The following CPNE4 variants were observed in gnomAD, a reference collection of about 807,000 sequenced individuals.
The protein encoded by CPNE4 is copine-4.
Under a neutral mutation model 67.9 loss-of-function variants are expected in CPNE4, and 25 were observed. The ratio of observed to expected loss-of-function variants is 0.37; its 90% CI spans 0.27 to 0.51. CPNE4 has a LOEUF of 0.51. CPNE4 is among the 20% of genes least tolerant of loss of function. CPNE4 has a pLI of 0.93. For missense variants in CPNE4, 464 were observed against 690.8 expected (o/e 0.67, Z 3.68); for synonymous variants, 242 against 244.9 (o/e 0.99, Z 0.11).
At chr3:131,851,848 TGAA>T (rs946519643) in intron 2 of CPNE4, among the ~76,000 whole-genome samples, 3 of 152,034 alleles carry the variant, frequency 2.0e-5, no homozygotes, top group Non-Finnish European at 4.4e-5. Flanking sequence ...ACTTTATAGA[TGAA>T]GAAACAGAGA....
chr3:131,709,181 T>C (rs2081497821), intron 3 of CPNE4, among the ~76,000 whole-genome samples: 3 of 151,884 alleles, frequency 2.0e-5, no homozygotes, highest in Admixed American at 2.0e-4. Context: ...ATTTTTTCTA[T>C]TTCTAAATAG....
intron 1 of CPNE4, among the ~76,000 whole-genome samples, chr3:131,912,449 A>G (rs1361542331): frequency 6.8e-6 from 1 of 146,266 alleles, no homozygotes; most frequent in Non-Finnish European, 1.6e-5. Context: ...AAAATGTCAT[A>G]GTACATCCAG....
At chr3:131,786,494 A>G (rs2083565841) in intron 2 of CPNE4, among the ~76,000 whole-genome samples, 1 of 152,166 alleles carries the variant, frequency 6.6e-6, no homozygotes, top group South Asian at 2.1e-4. Flanking sequence ...GGGGCTTTAC[A>G]TTACCTTTTC....
chr3:131,897,567 T>C lies in CPNE4; in HGVS notation c.180+7697A>G, dbSNP rs193170211. Among the ~76,000 whole-genome samples, 732 of 152,110 alleles carry C rather than the reference T, an allele frequency of 4.8e-3. 9 individuals are homozygous for C. The highest frequency in any genetic ancestry group is 0.016 in the African/African-American group (647 of 41,536). ...AACACCTCTGTGCCTCTACACTATA[T>C]ACAATTTTTTTTGTCTACTATACCT... On this transcript the variant is annotated intron_variant, in intron 2 of 15. Coordinates refer to ENST00000429747, the MANE Select transcript of CPNE4 (RefSeq NM_130808.3).
At chr3:131,851,199 G>A (rs2086229871) in intron 2 of CPNE4, among the ~76,000 whole-genome samples, 1 of 152,058 alleles carries the variant, frequency 6.6e-6, no homozygotes, top group Non-Finnish European at 1.5e-5. Flanking sequence ...GACTAGGAAA[G>A]AAAGTGAGTG....
intron 1 of CPNE4, among the ~76,000 whole-genome samples, chr3:131,982,059 C>G (rs1013724488): frequency 2.6e-5 from 4 of 152,172 alleles, no homozygotes; most frequent in Non-Finnish European, 4.4e-5. Context: ...ACTGCTCTGT[C>G]CAGAGCTGCA....
At chr3:131,692,752 A>G (rs2081061461) in intron 5 of CPNE4, among the ~76,000 whole-genome samples, 1 of 152,186 alleles carries the variant, frequency 6.6e-6, no homozygotes, top group Non-Finnish European at 1.5e-5. Context: ...ATTGCACCCC[A>G]TCAAACTAGC....
intron 2 of CPNE4, among the ~76,000 whole-genome samples, chr3:131,777,168 G>A (rs773865995): frequency 1.3e-5 from 2 of 152,066 alleles, no homozygotes; most frequent in East Asian, 1.9e-4. Flanking sequence ...TGGTTAAAGT[G>A]GAGGTGATAT....
chr3:131,830,933 C>T (rs1476449623), intron 2 of CPNE4, among the ~76,000 whole-genome samples: 1 of 151,948 alleles, frequency 6.6e-6, no homozygotes, highest in Non-Finnish European at 1.5e-5. Context: ...GGAAAGTCTT[C>T]CCTGAGGTTA....
intron 2 of CPNE4, among the ~76,000 whole-genome samples, chr3:131,843,496 C>G (rs1289732349): frequency 6.6e-6 from 1 of 152,172 alleles, no homozygotes. Context: ...ATTTATTAAG[C>G]AATTCAACAC....
At chr3:131,970,282 A>G (rs2072466812) in intron 1 of CPNE4, among the ~76,000 whole-genome samples, 2 of 152,214 alleles carry the variant, frequency 1.3e-5, no homozygotes, top group Middle Eastern at 3.2e-3. Context: ...ATACCAACCT[A>G]ACTTTGACCT....
chr3:131,672,566 T>C (rs914184769), intron 6 of CPNE4, among the ~76,000 whole-genome samples: 3 of 152,200 alleles, frequency 2.0e-5, no homozygotes, highest in Non-Finnish European at 4.4e-5. Context: ...AGTTTTGTTT[T>C]GCATATCTCT....
At chr3:131,894,286 TAAG>T (rs2088231271) in intron 2 of CPNE4, among the ~76,000 whole-genome samples, 1 of 151,938 alleles carries the variant, frequency 6.6e-6, no homozygotes, top group Non-Finnish European at 1.5e-5. Flanking sequence ...ACCAAACATT[TAAG>T]AAGAATTAAT....
chr3:131,680,868 T>C (rs962680852), intron 6 of CPNE4, among the ~76,000 whole-genome samples: 2 of 152,156 alleles, frequency 1.3e-5, no homozygotes, highest in Non-Finnish European at 2.9e-5. Flanking sequence ...ATCATTCTTA[T>C]GCCTTTGTAT....
chr3:131,876,535 G>T (rs1430065804), intron 2 of CPNE4, among the ~76,000 whole-genome samples: 3 of 150,312 alleles, frequency 2.0e-5, no homozygotes, highest in Admixed American at 1.3e-4. Context: ...CCAGCTACTC[G>T]GGAGGGTGAG....
intron 6 of CPNE4, among the ~76,000 whole-genome samples, chr3:131,675,818 T>G (rs2080546382): frequency 6.6e-6 from 1 of 151,948 alleles, no homozygotes; most frequent in South Asian, 2.1e-4. Flanking sequence ...TATCGATAGG[T>G]AAGGGGTTAC....
At chr3:131,979,195 C>T (rs1362912781) in intron 1 of CPNE4, among the ~76,000 whole-genome samples, 1 of 152,080 alleles carries the variant, frequency 6.6e-6, no homozygotes, top group Admixed American at 6.6e-5. Context: ...CTGTATATGT[C>T]TATCTATAAG....
chr3:131,604,948 A>G (rs559543587), intron 7 of CPNE4, among the ~76,000 whole-genome samples: 2 of 151,974 alleles, frequency 1.3e-5, no homozygotes, highest in Non-Finnish European at 2.9e-5. Context: ...ATGTTAACCT[A>G]TTTGCTGCTA....
At chr3:131,873,904 G>A (rs527958017) in intron 2 of CPNE4, among the ~76,000 whole-genome samples, 37 of 152,228 alleles carry the variant, frequency 2.4e-4, no homozygotes, top group African/African-American at 8.4e-4. Context: ...GCTGTGGGAA[G>A]AGGAGTGGAA....
Sources: gnomAD v4.1 joint callset for allele counts (sites outside exome capture counted in the v4.1 genomes callset) on GRCh38, gnomAD v4.1.1 for gene constraint, MANE v1.5 for transcripts, NCBI Gene and HGNC (gene_info 2026-07-23, HGNC 2026-07-21) for gene names.